SEMA3A: variants seen among roughly 807,000 people sequenced by gnomAD.
SEMA3A encodes the protein semaphorin 3A.
A neutral mutation model predicts 97.9 loss-of-function variants in SEMA3A; 29 were observed. The ratio of observed to expected loss-of-function variants is 0.30; its 90% CI spans 0.22 to 0.40. The LOEUF (loss-of-function observed/expected upper bound fraction) is 0.40, where lower values mean the gene tolerates loss of function less well. SEMA3A is among the 10% of genes least tolerant of loss of function. The probability of loss-of-function intolerance (pLI) is 1.00; values close to 1 mark genes in which losing one functional copy is unlikely to be tolerated. For missense variants in SEMA3A, 763 were observed against 951.3 expected (o/e 0.80, Z 2.60); for synonymous variants, 321 against 323.7 (o/e 0.99, Z 0.09).
chr7:84,367,051 G>A (rs1802864969), intron 2 of SEMA3A, among the ~76,000 whole-genome samples: 1 of 151,064 alleles, frequency 6.6e-6, no homozygotes, highest in South Asian at 2.1e-4. Context: ...ATGTTCAGGG[G>A]CTTGACCATT....
At chr7:83,971,491 A>G (rs536214099) in intron 15 of SEMA3A, among the ~76,000 whole-genome samples, 1 of 152,182 alleles carries the variant, frequency 6.6e-6, no homozygotes, top group East Asian at 1.9e-4. Context: ...GTGCAAATAA[A>G]AGTCTACAGT....
intron 1 of SEMA3A, among the ~76,000 whole-genome samples, chr7:84,469,667 T>C (rs1356941356): frequency 3.3e-5 from 5 of 152,140 alleles, no homozygotes; most frequent in Admixed American, 2.6e-4. Flanking sequence ...ATGTAAAAAA[T>C]GCTTTTGAAG....
At chr7:84,058,225 T>C (rs1298697459) in intron 5 of SEMA3A, among the ~76,000 whole-genome samples, 1 of 152,178 alleles carries the variant, frequency 6.6e-6, no homozygotes, top group African/African-American at 2.4e-5. Flanking sequence ...ATCTTATTTG[T>C]ACCAATGAGG....
chr7:84,093,100 G>C (rs937616703), intron 4 of SEMA3A, among the ~76,000 whole-genome samples: 4 of 151,984 alleles, frequency 2.6e-5, no homozygotes, highest in African/African-American at 7.2e-5. Context: ...AGACTCCTTT[G>C]GTGTTATTTA....
chr7:84,358,178 T>G (rs1802618003), intron 2 of SEMA3A, among the ~76,000 whole-genome samples: 1 of 152,228 alleles, frequency 6.6e-6, no homozygotes. Flanking sequence ...TTGTTACCAT[T>G]GCTTTTGGTG....
chr7:84,332,961 C>A, intron 2 of SEMA3A, among the ~76,000 whole-genome samples: 1 of 151,978 alleles, frequency 6.6e-6, no homozygotes, highest in East Asian at 1.9e-4. Context: ...CAATCTCATT[C>A]TATAAAAAGT....
intron 5 of SEMA3A, among the ~76,000 whole-genome samples, chr7:84,049,986 T>C (rs1331541804): frequency 3.3e-5 from 5 of 150,608 alleles, no homozygotes; most frequent in East Asian, 3.9e-4. Context: ...GTTCTTGCGA[T>C]AGTTTACTGA....
chr7:84,238,746 G>A (rs1343633703), intron 3 of SEMA3A, among the ~76,000 whole-genome samples: 5 of 150,362 alleles, frequency 3.3e-5, no homozygotes, highest in African/African-American at 7.4e-5. Context: ...ACGGAGTCAC[G>A]CTCTGTTGCT....
intron 2 of SEMA3A, among the ~76,000 whole-genome samples, chr7:84,328,424 T>C (rs1801823703): frequency 6.6e-6 from 1 of 151,650 alleles, no homozygotes; most frequent in African/African-American, 2.4e-5. Flanking sequence ...AGAAAGAAAA[T>C]GAAAGAGCAG....
chr7:84,069,614 A>G (rs1458790576), intron 4 of SEMA3A, among the ~76,000 whole-genome samples: 1 of 152,128 alleles, frequency 6.6e-6, no homozygotes, highest in Non-Finnish European at 1.5e-5. Context: ...GTTTCATGAA[A>G]AAATAATTTA....
chr7:84,162,499 C>G (rs1797065192), intron 1 of SEMA3A, among the ~76,000 whole-genome samples: 1 of 151,884 alleles, frequency 6.6e-6, no homozygotes, highest in Admixed American at 6.6e-5. Flanking sequence ...AACTTCATAA[C>G]AACTCTCAGG....
At chr7:84,075,268 G>T (rs1164508175) in intron 4 of SEMA3A, among the ~76,000 whole-genome samples, 1 of 151,108 alleles carries the variant, frequency 6.6e-6, no homozygotes, top group African/African-American at 2.4e-5. Context: ...CCACCTCCTG[G>T]GTTCAAGTGA....
At chr7:84,279,455 A>G (rs1228266670) in intron 3 of SEMA3A, among the ~76,000 whole-genome samples, 1 of 151,604 alleles carries the variant, frequency 6.6e-6, no homozygotes, top group Non-Finnish European at 1.5e-5. Context: ...TATAATCTTA[A>G]AAAAAATGTC....
intron 3 of SEMA3A, among the ~76,000 whole-genome samples, chr7:84,223,609 A>G (rs1798928655): frequency 6.6e-6 from 1 of 151,898 alleles, no homozygotes; most frequent in African/African-American, 2.4e-5. Flanking sequence ...TGTATGTAAG[A>G]GTTAACCAGT....
chr7:84,464,472 T>C (rs1347859038), intron 1 of SEMA3A, among the ~76,000 whole-genome samples: 1 of 152,148 alleles, frequency 6.6e-6, no homozygotes, highest in Admixed American at 6.6e-5. Context: ...TACAACGACC[T>C]AAATTAAAAT....
At position 84,118,182 on chromosome 7, in the gene SEMA3A, C is replaced by T. The variant is rs1428775955; in HGVS notation, c.334-7593G>A. Among the ~76,000 whole-genome samples, 3 of 152,182 alleles carry T rather than the reference C, an allele frequency of 2.0e-5. No homozygotes were observed. In the South Asian group the frequency reaches 6.2e-4, roughly 32 times the overall value. On this transcript the variant is annotated intron_variant, in intron 3 of 16. Coordinates refer to ENST00000265362, the MANE Select transcript of SEMA3A (RefSeq NM_006080.3). ...TATTACTCTGTGCCCATTTCTGCTA[C>T]CAAGGGCAATTGCATTTTGTTTAAT...
At chr7:84,035,432 G>A (rs1791904184) in intron 6 of SEMA3A, among the ~76,000 whole-genome samples, 1 of 151,734 alleles carries the variant, frequency 6.6e-6, no homozygotes, top group Non-Finnish European at 1.5e-5. Context: ...CATATTGTAG[G>A]AGTATTATTG....
intron 6 of SEMA3A, 36 bp downstream of exon 6, chr7:84,046,288 A>C (rs1583866695): frequency 1.2e-6 from 2 of 1,606,808 alleles, no homozygotes; most frequent in Non-Finnish European, 1.7e-6. Flanking sequence ...ACAGTTACAC[A>C]TGTTACATGT....
intron 6 of SEMA3A, among the ~76,000 whole-genome samples, chr7:84,022,522 C>A (rs1385132265): frequency 6.6e-6 from 1 of 152,124 alleles, no homozygotes; most frequent in Admixed American, 6.5e-5. Flanking sequence ...ATGTATACAG[C>A]GACCCTGGAT....
Sources: allele counts gnomAD v4.1 joint callset (sites outside exome capture counted in the v4.1 genomes callset), GRCh38; gene constraint gnomAD v4.1.1; transcripts MANE v1.5; gene names NCBI Gene and HGNC (gene_info 2026-07-23, HGNC 2026-07-21).